Variants in CYBRD1 observed in about 807,000 individuals in gnomAD.
CYBRD1 encodes the protein cytochrome b reductase 1, also known as plasma membrane ascorbate-dependent reductase CYBRD1.
In CYBRD1, 14 loss-of-function variants were observed where a neutral mutation model predicts 21.9. That is an observed-to-expected ratio of 0.64 (90% confidence interval 0.42 to 1.00). The LOEUF (loss-of-function observed/expected upper bound fraction) is 1.00. Among genes scored for constraint, CYBRD1 ranks in the 50% least tolerant of loss-of-function variants. CYBRD1 has a pLI of 0.00. For synonymous variants in CYBRD1, 146 were observed against 136.5 expected, an observed-to-expected ratio of 1.07 and a Z score of -0.48; for missense variants, 328 against 352.5, an observed-to-expected ratio of 0.93 and a Z score of 0.56.
In CYBRD1 at chr2:171,556,648, A is replaced by G. The variant is rs1317586980; in HGVS notation, c.*1821A>G. On this transcript the variant is annotated 3_prime_UTR_variant, in exon 4 of 4. Transcript: ENST00000321348. ...CTTAAACTTCATGAAAAACCATTCA[A>G]GATCCCCTTGCTGCAACACTGTTCT... 2 of 152,186 alleles carry G rather than the reference A, an allele frequency of 1.3e-5. No homozygotes were observed. Among genetic ancestry groups the G allele is most frequent in the African/African-American group, 4.8e-5 (2 of 41,450 alleles). 9.4% of individuals were successfully genotyped at this position (152,186 alleles called of 1,614,324 possible). A position where few individuals can be genotyped will look rare whatever the true frequency, so the allele number is the denominator to read the frequency against.
intron 1 of CYBRD1, chr2:171,523,319 G>A (rs909774550): frequency 1.8e-5 from 7 of 391,168 alleles, no homozygotes; most frequent in African/African-American, 1.1e-4. Flanking sequence ...CTGGGTAAAG[G>A]GGCTGGCCAA....
At chr2:171,524,139 A>G (rs1574429881) in intron 1 of CYBRD1, among the ~76,000 whole-genome samples, 1 of 152,328 alleles carries the variant, frequency 6.6e-6, no homozygotes, top group Middle Eastern at 3.4e-3. Flanking sequence ...AATGTAGTGG[A>G]AGGTGTTACT....
At chr2:171,534,383 A>G (rs1697516915) in intron 1 of CYBRD1, among the ~76,000 whole-genome samples, 1 of 152,210 alleles carries the variant, frequency 6.6e-6, no homozygotes, top group African/African-American at 2.4e-5. Flanking sequence ...CAAAGAAGCA[A>G]GAAATATTTA....
intron 2 of CYBRD1, among the ~76,000 whole-genome samples, chr2:171,545,298 T>C (rs987933292): frequency 4.6e-5 from 7 of 151,936 alleles, no homozygotes; most frequent in Non-Finnish European, 1.0e-4. Flanking sequence ...TGTGCAAAGG[T>C]TTTGTTTTTC....
At chr2:171,539,433 G>A (rs1697595334) in intron 1 of CYBRD1, among the ~76,000 whole-genome samples, 1 of 152,152 alleles carries the variant, frequency 6.6e-6, no homozygotes, top group South Asian at 2.1e-4. Flanking sequence ...GCAGTGAGCT[G>A]TGATCGCAAC....
chr2:171,551,335 T>C (rs1683368988), intron 2 of CYBRD1, among the ~76,000 whole-genome samples: 1 of 152,174 alleles, frequency 6.6e-6, no homozygotes, highest in African/African-American at 2.4e-5. Context: ...CTGAAGAAGA[T>C]TTAGGAATAT....
chr2:171,536,634 C>G (rs1697549829), intron 1 of CYBRD1, among the ~76,000 whole-genome samples: 1 of 152,054 alleles, frequency 6.6e-6, no homozygotes. Flanking sequence ...AGAGTTTCAC[C>G]ATGTTGGCCA....
At chr2:171,542,513 G>A (rs982075355) in intron 2 of CYBRD1, among the ~76,000 whole-genome samples, 2 of 151,938 alleles carry the variant, frequency 1.3e-5, no homozygotes, top group Non-Finnish European at 2.9e-5. Flanking sequence ...GAGAGAGATC[G>A]AGAGAGAGAG....
intron 2 of CYBRD1, among the ~76,000 whole-genome samples, chr2:171,550,555 G>C (rs1697783441): frequency 6.6e-6 from 1 of 151,992 alleles, no homozygotes; most frequent in Non-Finnish European, 1.5e-5. Flanking sequence ...TAAATTATAA[G>C]TTATTATAAA....
intron 2 of CYBRD1, among the ~76,000 whole-genome samples, chr2:171,545,132 C>T (rs1391769388): frequency 2.9e-5 from 4 of 138,038 alleles, no homozygotes; most frequent in Non-Finnish European, 4.6e-5. Context: ...CAGCAAGACC[C>T]TGTCTCAAAA....
At chr2:171,547,560 T>C (rs1294017372) in intron 2 of CYBRD1, among the ~76,000 whole-genome samples, 1 of 151,798 alleles carries the variant, frequency 6.6e-6, no homozygotes. Flanking sequence ...CAGTGATGTA[T>C]AGCTAGGTCC....
chr2:171,557,929 A>G lies in CYBRD1; in HGVS notation c.*3102A>G, dbSNP rs1574449192. The G allele has an allele frequency of 6.6e-6, 1 of 152,314 alleles. No individual in the cohort carries two copies. Among genetic ancestry groups the G allele is most frequent in the East Asian group, 1.9e-4 (1 of 5,190 alleles). 9.4% of individuals were successfully genotyped at this position (152,314 alleles called of 1,614,324 possible). ...ACTGTAACTGCTATGTCTTTAGGAA[A>G]ATGTAGAAGAAAGAACATTATTGTT... On this transcript the variant is annotated 3_prime_UTR_variant, in exon 4 of 4. Transcript: ENST00000321348.
chr2:171,551,389 T>G (rs1265884998), intron 2 of CYBRD1, among the ~76,000 whole-genome samples: 3 of 152,158 alleles, frequency 2.0e-5, no homozygotes, highest in African/African-American at 7.2e-5. Context: ...TTCTAATATA[T>G]TCAGGCATTT....
intron 1 of CYBRD1, among the ~76,000 whole-genome samples, chr2:171,537,450 T>C (rs1210227153): frequency 6.6e-6 from 1 of 152,150 alleles, no homozygotes; most frequent in African/African-American, 2.4e-5. Context: ...CCAGATTTGA[T>C]CAGTCTGTAG....
Position 171,555,253 on chromosome 2 carries a change from T to G in CYBRD1, c.*426T>G. ...GGGAAGCAGTCCTAAAAGTTTAAAA[T>G]CCGATAAGGAATATCTGGGACAGGG... On this transcript the variant is annotated 3_prime_UTR_variant, in exon 4 of 4. Transcript: ENST00000321348. 4.1e-6 allele frequency: 1 copy of G among 242,300 alleles called. No individual in the cohort carries two copies. Among genetic ancestry groups the G allele is most frequent in the Non-Finnish European group, 8.1e-6 (1 of 123,910 alleles). 15.0% of individuals were successfully genotyped at this position (242,300 alleles called of 1,614,324 possible).
At chr2:171,531,114 C>A (rs1420497161) in intron 1 of CYBRD1, among the ~76,000 whole-genome samples, 3 of 148,284 alleles carry the variant, frequency 2.0e-5, no homozygotes, top group African/African-American at 7.5e-5. Context: ...CATGACCATG[C>A]CACTGCACTC....
Position 171,522,878 on chromosome 2 carries a change from G to A in CYBRD1, c.193+140G>A, listed in dbSNP as rs915572547. The A allele has an allele frequency of 5.8e-6, 8 of 1,390,748 alleles. No individual in the cohort carries two copies. Among genetic ancestry groups the A allele is most frequent in the Non-Finnish European group, 7.8e-6 (8 of 1,029,536 alleles). The allele number at this position is 1,390,748 out of a possible 1,614,324, so 86.2% of individuals were successfully genotyped here. The stretch of plus-strand genomic sequence containing the variant: ...GAGGAGTGCGGTGAGGAGCGCGCGG[G>A]AAGCCAAGTCGGCTGGGCGGGAGGG... On this transcript the variant is annotated intron_variant, in intron 1 of 3. Transcript: ENST00000321348. This position sits in a 1 kb window ranked among gnomAD's most constrained non-coding sequence, Gnocchi z 4.3.
rs1425573000 is a variant in CYBRD1, at chr2:171,554,980, AG to A, written c.*155del. The stretch of plus-strand genomic sequence containing the variant: ...TTCTTGAAATAATTTGTATTGATTG[AG>A]GCCTATGAACTGACCTGAATTGGAA... On this transcript the variant is annotated 3_prime_UTR_variant, in exon 4 of 4. Coordinates refer to ENST00000321348, the MANE Select transcript of CYBRD1 (RefSeq NM_024843.4). 1 of 824,758 alleles carries A rather than the reference AG, an allele frequency of 1.2e-6. No homozygotes were observed. The highest frequency in any genetic ancestry group is 1.9e-6 in the Non-Finnish European group (1 of 513,574). 51.1% of individuals were successfully genotyped at this position (824,758 alleles called of 1,614,324 possible).
chr2:171,529,486 A>G (rs976601471), intron 1 of CYBRD1, among the ~76,000 whole-genome samples: 1 of 140,570 alleles, frequency 7.1e-6, no homozygotes, highest in African/African-American at 2.6e-5. Context: ...AGCTGAGATC[A>G]TGCCATTGCA....
Sources: allele counts gnomAD v4.1 joint callset (sites outside exome capture counted in the v4.1 genomes callset), GRCh38; gene constraint gnomAD v4.1.1; non-coding constraint Gnocchi (gnomAD v3.1); transcripts MANE v1.5; gene names NCBI Gene and HGNC (gene_info 2026-07-23, HGNC 2026-07-21).